The following ATXN7L2 variants were observed in gnomAD, a reference collection of about 807,000 sequenced individuals.
The protein encoded by ATXN7L2 is ataxin 7 like 2, also known as ataxin-7-like protein 2.
Under a neutral mutation model 59.6 loss-of-function variants are expected in ATXN7L2, and 17 were observed. The ratio of observed to expected loss-of-function variants is 0.29; its 90% CI spans 0.20 to 0.43. The LOEUF (loss-of-function observed/expected upper bound fraction) is 0.43. Ranked by LOEUF, ATXN7L2 falls within the 20% of genes least tolerant of loss-of-function variation. ATXN7L2 has a pLI of 1.00. For missense variants in ATXN7L2, 858 were observed against 1,008.9 expected (o/e 0.85, Z 2.03); for synonymous variants, 378 against 392.5 (o/e 0.96, Z 0.44).
At chr1:109,489,409 G>A in intron 7 of ATXN7L2, 1 of 439,402 alleles carries the variant, frequency 2.3e-6, no homozygotes, top group East Asian at 4.1e-5. Context: ...ACACTCCTGG[G>A]CAAGGCAGCC....
intron 7 of ATXN7L2, 158 bp downstream of exon 7, chr1:109,489,258 A>G: frequency 1.0e-6 from 1 of 990,266 alleles, no homozygotes; most frequent in South Asian, 1.8e-5. Flanking sequence ...GTGTGGAAGC[A>G]GGAGACTCCC....
Position 109,488,018 on chromosome 1 carries a change from C to T in ATXN7L2, c.796+214C>T, listed in dbSNP as rs1656726322. 1.3e-5 allele frequency among the ~76,000 whole-genome samples: 2 copies of T among 152,166 alleles called. No individual in the cohort carries two copies. The highest frequency in any genetic ancestry group is 2.4e-5 in the African/African-American group (1 of 41,434). ...GATCAAGGCTGAGGGAGCCCATGCC[C>T]AGGAGGTGAAGTTCTTTCTCACTCT... On this transcript the variant is annotated intron_variant, in intron 5 of 10. Coordinates refer to ENST00000683729, the MANE Select transcript of ATXN7L2 (RefSeq NM_001350175.2). The surrounding 1 kb of genome is among the most constrained non-coding windows in gnomAD (Gnocchi z 5.0).
chr1:109,489,814 G>A, intron 7 of ATXN7L2, 116 bp from the exon 8 acceptor site: 1 of 1,028,438 alleles, frequency 9.7e-7, no homozygotes, highest in East Asian at 2.4e-5. Context: ...TCTTCTGATT[G>A]CCCTGCAGGG....
intron 1 of ATXN7L2, among the ~76,000 whole-genome samples, 194 bp downstream of exon 1, chr1:109,484,274 A>C (rs932765771): frequency 2.0e-5 from 3 of 151,302 alleles, no homozygotes; most frequent in Admixed American, 6.6e-5. Context: ...GCGCCTGCTC[A>C]CCGCTCGCAG....
Position 109,487,570 on chromosome 1 carries a change from G to A in ATXN7L2, c.562G>A (p.Asp188Asn). The A allele has an allele frequency of 1.3e-6, 2 of 1,531,122 alleles. No homozygotes were observed. The highest frequency in any genetic ancestry group is 1.8e-6 in the Non-Finnish European group (2 of 1,140,720). 94.8% of individuals were successfully genotyped at this position (1,531,122 alleles called of 1,614,324 possible). ...LEKMSSLPKPDGHGIRVAPPS... is the reference protein window; with the variant it reads ...LEKMSSLPKPNGHGIRVAPPS... ...GAAGATGTCCAGTCTCCCGAAGCCTGATGGACATGGAATCAGGGTGGCCCC... is the reference window on the plus strand; with the variant it reads ...GAAGATGTCCAGTCTCCCGAAGCCTAATGGACATGGAATCAGGGTGGCCCC... The change falls in exon 5 of 11, where the codon GAT becomes AAT. Residue 188 changes from aspartate to asparagine, a missense_variant. Transcript: ENST00000683729.
Position 109,483,959 on chromosome 1 carries a change from G to C in ATXN7L2, c.6G>C (p.Ala2=). The change falls in exon 1 of 11, where the codon GCG becomes GCC. Residue 2 remains alanine, a synonymous_variant. Coordinates refer to ENST00000683729, the MANE Select transcript of ATXN7L2 (RefSeq NM_001350175.2). M[A]VRERAAAAMA... is the part of the protein sequence containing the mutation. ...GGCGCGCGTCCGCGGCGGTGATGGC[G>C]GTGCGTGAACGCGCGGCGGCAGCAA... 7.7e-7 allele frequency: 1 copy of C among 1,292,694 alleles called. No individual in the cohort carries two copies. The highest frequency in any genetic ancestry group is 9.9e-7 in the Non-Finnish European group (1 of 1,012,752). 80.1% of individuals were successfully genotyped at this position (1,292,694 alleles called of 1,614,324 possible).
At chr1:109,489,898 C>T in intron 7 of ATXN7L2, 32 bp from the exon 8 acceptor site, 6 of 1,611,340 alleles carry the variant, frequency 3.7e-6, no homozygotes, top group Non-Finnish European at 5.1e-6. Context: ...ACAACAGTCA[C>T]ATTCCCCTGG....
rs1656701093 is a variant in ATXN7L2, at chr1:109,487,732, G to A, written c.724G>A (p.Ala242Thr). ...CCCCAGTGAGGGGTCCAGTCACTGG[G>A]CTGAAGGCAGCCCTCCTGAAAAGGA... ...IIPSEGSSHW[A>T]EGSPPEKEPS... The change falls in exon 5 of 11, where the codon GCT becomes ACT. Residue 242 changes from alanine (A) to threonine (T), a missense_variant. Ala to Thr is a moderately conservative substitution (Grantham distance 58, BLOSUM62 0). Transcript: ENST00000683729. The A allele has an allele frequency of 1.2e-6, 2 of 1,613,102 alleles. No homozygotes were observed.
chr1:109,491,951 C>T lies in ATXN7L2; in HGVS notation c.2250+234C>T, dbSNP rs548718230. 3.3e-5 allele frequency: 41 copies of T among 1,228,264 alleles called. No individual in the cohort carries two copies. In the South Asian group the frequency reaches 7.0e-4, roughly 21 times the overall value. The allele number at this position is 1,228,264 out of a possible 1,614,324, so 76.1% of individuals were successfully genotyped here. On this transcript the variant is annotated intron_variant, in intron 10 of 10. Coordinates refer to ENST00000683729, the MANE Select transcript of ATXN7L2 (RefSeq NM_001350175.2). This position sits in a 1 kb window ranked among gnomAD's most constrained non-coding sequence, Gnocchi z 4.1. ...CCCTTTCCCTTGGGCTGAGGAGATG[C>T]GGCACCCCTCCACCCCTGCTTTTGC...
In ATXN7L2 at chr1:109,488,101, C is replaced by T. The variant is rs983086745; in HGVS notation, c.797-282C>T. Among the ~76,000 whole-genome samples the T allele has an allele frequency of 4.6e-5, 7 of 152,242 alleles. No homozygotes were observed. Among genetic ancestry groups the T allele is most frequent in the African/African-American group, 1.4e-4 (6 of 41,454 alleles). The stretch of plus-strand genomic sequence containing the variant: ...ACATCTCACAGCTGGCTTCTCTGGC[C>T]TCCCAGATGCCCATGGCTGCTTTTG... On this transcript the variant is annotated intron_variant, in intron 5 of 10. Transcript: ENST00000683729. The surrounding 1 kb of genome is among the most constrained non-coding windows in gnomAD (Gnocchi z 5.0).
chr1:109,489,730 C>T, intron 7 of ATXN7L2, 200 bp from the exon 8 acceptor site: 1 of 612,726 alleles, frequency 1.6e-6, no homozygotes. Flanking sequence ...GGAGAGAATC[C>T]CTTGGGAGCA....
rs928273132 is a variant in ATXN7L2 at position 109,490,010 on chromosome 1, C to T, written c.1214C>T (p.Pro405Leu). The T allele has an allele frequency of 2.1e-5, 34 of 1,613,450 alleles. No homozygotes were observed. The highest frequency in any genetic ancestry group is 2.2e-5 in the Non-Finnish European group (26 of 1,179,788). The change falls in exon 8 of 11, where the codon CCC (proline) becomes CTC (leucine). Residue 405 changes from proline to leucine, a missense_variant. By Grantham distance (98) the Pro-to-Leu change is moderately conservative. Transcript: ENST00000683729. ...GDGDPGLFPF[P>L]MPRGGTQASS... ...GGGGACCCAGGCCTGTTCCCCTTCC[C>T]CATGCCCCGGGGTGGGACCCAGGCC...
chr1:109,486,201 A>T lies in ATXN7L2; in HGVS notation c.193+79A>T. The stretch of plus-strand genomic sequence containing the variant: ...CACTTTTCCACCACACTACAGAAGG[A>T]GGTGGCTGCTTGAAGCAGCTGTCTG... On this transcript the variant is annotated intron_variant, in intron 2 of 10. Coordinates refer to ENST00000683729, the MANE Select transcript of ATXN7L2 (RefSeq NM_001350175.2). This position sits in a 1 kb window ranked among gnomAD's most constrained non-coding sequence, Gnocchi z 4.3. 1 of 1,490,540 alleles carries T rather than the reference A, an allele frequency of 6.7e-7. No individual in the cohort carries two copies. The highest frequency in any genetic ancestry group is 8.9e-7 in the Non-Finnish European group (1 of 1,120,018). 92.3% of individuals were successfully genotyped at this position (1,490,540 alleles called of 1,614,324 possible).
chr1:109,484,095 C>G lies in ATXN7L2; in HGVS notation c.127+15C>G, dbSNP rs1323096602. 6.7e-7 allele frequency: 1 copy of G among 1,502,926 alleles called. No individual in the cohort carries two copies. Among genetic ancestry groups the G allele is most frequent in the South Asian group, 1.2e-5 (1 of 80,404 alleles). The allele number at this position is 1,502,926 out of a possible 1,614,324, so 93.1% of individuals were successfully genotyped here. On this transcript the variant is annotated intron_variant, in intron 1 of 10. Transcript: ENST00000683729. ...CGCGGCTGACGGTGAGTAAAGCCAC[C>G]CTAAAGTCCGGGGACCCCATCACTA...
Position 109,485,423 on chromosome 1 carries a change from A to G in ATXN7L2, c.128-634A>G, listed in dbSNP as rs779235565. On this transcript the variant is annotated intron_variant, in intron 1 of 10. Transcript: ENST00000683729. ...ACCAAGGAGACTTTGAAGATGCTCAAGGACCAAAGACAGCAGTTTCTCTGC... is the reference window on the plus strand; with the variant it reads ...ACCAAGGAGACTTTGAAGATGCTCAGGGACCAAAGACAGCAGTTTCTCTGC... 1.1e-3 allele frequency: 1,066 copies of G among 985,398 alleles called. 1 individual carries two copies. Among genetic ancestry groups the G allele is most frequent in the Non-Finnish European group, 1.3e-3 (1,040 of 829,980 alleles). 61.0% of individuals were successfully genotyped at this position (985,398 alleles called of 1,614,324 possible).
intron 1 of ATXN7L2, chr1:109,485,793 G>T: frequency 8.7e-7 from 1 of 1,148,714 alleles, no homozygotes; most frequent in Non-Finnish European, 1.1e-6. Flanking sequence ...TCTTCTTAGT[G>T]GGGCCATCTT....
chr1:109,491,098 G>A lies in ATXN7L2; in HGVS notation c.1631G>A (p.Gly544Asp). 6.2e-7 allele frequency: 1 copy of A among 1,613,630 alleles called. No homozygotes were observed. ...KDNLVPSYPAGSPSVAAACSQ... is the reference protein window; with the variant it reads ...KDNLVPSYPADSPSVAAACSQ... Reference sequence around the variant, plus strand: ...AACCTTGTCCCCAGCTACCCTGCAGGCTCCCCCAGCGTGGCGGCTGCCTGT... The same window carrying A: ...AACCTTGTCCCCAGCTACCCTGCAGACTCCCCCAGCGTGGCGGCTGCCTGT... The change falls in exon 10 of 11, where the codon GGC becomes GAC. Residue 544 changes from glycine to aspartate, a missense_variant. Gly to Asp is a moderately conservative substitution (Grantham distance 94). Coordinates refer to ENST00000683729, the MANE Select transcript of ATXN7L2 (RefSeq NM_001350175.2). This position sits in a 1 kb window ranked among gnomAD's most constrained non-coding sequence, Gnocchi z 4.1.
In ATXN7L2 at chr1:109,488,356, G is replaced by A. The variant is rs745848656; in HGVS notation, c.797-27G>A. On this transcript the variant is annotated intron_variant, in intron 5 of 10. Transcript: ENST00000683729. This position sits in a 1 kb window ranked among gnomAD's most constrained non-coding sequence, Gnocchi z 5.0. ...TGTAAACTCCTGGAAATGGTCTTGA[G>A]GTTCATTGGAAGTGCTTTCCCCACA... 3 of 1,574,174 alleles carry A rather than the reference G, an allele frequency of 1.9e-6. No homozygotes were observed. The highest frequency in any genetic ancestry group is 8.7e-7 in the Non-Finnish European group (1 of 1,154,224).
chr1:109,490,589 G>A (rs1656971530), intron 9 of ATXN7L2, among the ~76,000 whole-genome samples, 197 bp downstream of exon 9: 1 of 152,206 alleles, frequency 6.6e-6, no homozygotes, highest in East Asian at 1.9e-4. Context: ...CTAAGGCAGG[G>A]CATGGAAGGG....
Sources: gnomAD v4.1 joint callset for allele counts (sites outside exome capture counted in the v4.1 genomes callset) on GRCh38, gnomAD v4.1.1 for gene constraint, Gnocchi (gnomAD v3.1) non-coding constraint, MANE v1.5 for transcripts, NCBI Gene and HGNC (gene_info 2026-07-23, HGNC 2026-07-21) for gene names.